NFIB: variants seen among roughly 807,000 people sequenced by gnomAD.
The protein encoded by NFIB is nuclear factor I B.
NFIB carries 11 observed loss-of-function variants against 61.5 expected under a neutral mutation model. That is an observed-to-expected ratio of 0.18 (90% CI 0.11 to 0.30). The LOEUF (loss-of-function observed/expected upper bound fraction) is 0.30, where lower values mean the gene tolerates loss of function less well. Among genes scored for constraint, NFIB ranks in the 10% least tolerant of loss-of-function variants. The probability of loss-of-function intolerance (pLI) is 1.00; values close to 1 mark genes in which losing one functional copy is unlikely to be tolerated. For synonymous variants in NFIB, 260 were observed against 216.5 expected (o/e 1.20, Z -1.76); for missense variants, 471 against 608.9 (o/e 0.77, Z 2.38).
At chr9:14,097,174 T>C (rs1339483884) in intron 10 of NFIB, among the ~76,000 whole-genome samples, 1 of 152,166 alleles carries the variant, frequency 6.6e-6, no homozygotes, top group Non-Finnish European at 1.5e-5. Flanking sequence ...AAAAAGAATA[T>C]TCATATACAA....
At chr9:14,184,950 G>A (rs999618744) in intron 2 of NFIB, among the ~76,000 whole-genome samples, 3 of 152,188 alleles carry the variant, frequency 2.0e-5, no homozygotes, top group Non-Finnish European at 2.9e-5. Flanking sequence ...TTGGACCTGG[G>A]AGGTGGAGGT....
intron 1 of NFIB, among the ~76,000 whole-genome samples, chr9:14,346,183 G>A (rs1248775588): frequency 6.6e-6 from 1 of 152,132 alleles, no homozygotes; most frequent in African/African-American, 2.4e-5. Flanking sequence ...GACTTGCGGT[G>A]GGCGCCGGAG....
In NFIB at chr9:14,313,471, G is replaced by T; in HGVS notation, c.30+11C>A. The T allele has an allele frequency of 6.2e-7, 1 of 1,613,676 alleles. No individual in the cohort carries two copies. The highest frequency in any genetic ancestry group is 8.5e-7 in the Non-Finnish European group (1 of 1,179,780). On this transcript the variant is annotated intron_variant, in intron 1 of 10. Coordinates refer to ENST00000380953, the MANE Select transcript of NFIB (RefSeq NM_001190737.2). This position sits in a 1 kb window ranked among gnomAD's most constrained non-coding sequence, Gnocchi z 4.5. ...AGAGAGAAAGCTCGAGAAAGCGACC[G>T]AGACATGTACCTGAGTGAGACAGAT...
chr9:14,272,695 A>C (rs1373843164), intron 2 of NFIB, among the ~76,000 whole-genome samples: 2 of 5,598 alleles, frequency 3.6e-4, no homozygotes, highest in Non-Finnish European at 9.2e-4. Flanking sequence ...ATTCTCGCAA[A>C]AAAAAAAAAA....
At chr9:14,117,017 C>A (rs1437945263) in intron 8 of NFIB, among the ~76,000 whole-genome samples, 2 of 152,162 alleles carry the variant, frequency 1.3e-5, no homozygotes, top group Non-Finnish European at 2.9e-5. Context: ...AGATGTAAAG[C>A]ATCTAAAATT....
chr9:14,473,723 T>C, the NFIB span, among the ~76,000 whole-genome samples: 58 of 152,378 alleles, frequency 3.8e-4, 2 homozygotes, highest in South Asian at 0.012. Context: ...TGAACTCCAA[T>C]AGTATTACAC....
chr9:14,231,135 A>AAAAATATATATATATATAT, intron 2 of NFIB, among the ~76,000 whole-genome samples: 1 of 35,352 alleles, frequency 2.8e-5, no homozygotes, highest in Non-Finnish European at 5.4e-5. Context: ...AAAAAAAAAA[A>AAAAATATATATATATATAT]ATATATATAT....
chr9:14,248,270 C>T (rs183687779), intron 2 of NFIB, among the ~76,000 whole-genome samples: 245 of 151,476 alleles, frequency 1.6e-3, no homozygotes, highest in African/African-American at 5.7e-3. Context: ...TCCTTCCTTC[C>T]CACCTAAACT....
At chr9:14,089,739 A>T (rs957418919) in intron 10 of NFIB, among the ~76,000 whole-genome samples, 5 of 152,130 alleles carry the variant, frequency 3.3e-5, no homozygotes, top group Admixed American at 2.0e-4. Context: ...ATCAATCTAG[A>T]TATGCTCATT....
chr9:14,182,467 T>A (rs1183589433), intron 2 of NFIB, among the ~76,000 whole-genome samples: 2 of 152,142 alleles, frequency 1.3e-5, no homozygotes, highest in African/African-American at 4.8e-5. Context: ...TTATGTCACC[T>A]TATATCGGTC....
intron 1 of NFIB, among the ~76,000 whole-genome samples, chr9:14,341,099 G>C (rs1186705066): frequency 6.6e-6 from 1 of 152,202 alleles, no homozygotes; most frequent in South Asian, 2.1e-4. Flanking sequence ...TCCTGGACAA[G>C]AGCCCAAGAA....
chr9:14,402,567 T>C (rs890408974), upstream of NFIB, among the ~76,000 whole-genome samples: 5 of 152,300 alleles, frequency 3.3e-5, no homozygotes, highest in Non-Finnish European at 7.4e-5. Flanking sequence ...TTTAAAAAAA[T>C]TAAGATTGTA....
chr9:14,422,795 C>T, the NFIB span, among the ~76,000 whole-genome samples: 1 of 152,112 alleles, frequency 6.6e-6, no homozygotes, highest in Non-Finnish European at 1.5e-5. Flanking sequence ...GTGTTCCCAG[C>T]CCTGCCAGCC....
At chr9:14,099,612 T>A (rs2035410127) in intron 10 of NFIB, among the ~76,000 whole-genome samples, 1 of 152,280 alleles carries the variant, frequency 6.6e-6, no homozygotes, top group African/African-American at 2.4e-5. Context: ...ATTTATTTAT[T>A]CTGAACTGCA....
upstream of NFIB, among the ~76,000 whole-genome samples, chr9:14,401,148 T>A (rs761040098): frequency 1.1e-4 from 16 of 152,202 alleles, no homozygotes; most frequent in Admixed American, 7.9e-4. Flanking sequence ...AAAAGGCTCA[T>A]TGGAGAATAA....
intron 2 of NFIB, among the ~76,000 whole-genome samples, chr9:14,186,665 T>C (rs1318589432): frequency 1.3e-5 from 2 of 152,090 alleles, no homozygotes; most frequent in South Asian, 2.1e-4. Flanking sequence ...CAAAGTTTTC[T>C]ACCTCACTCT....
At chr9:14,088,644 A>G (rs2033274215) in intron 10 of NFIB, among the ~76,000 whole-genome samples, 1 of 152,128 alleles carries the variant, frequency 6.6e-6, no homozygotes, top group Admixed American at 6.6e-5. Flanking sequence ...TATAAATGCA[A>G]TATCATTCTT....
At chr9:14,489,274 G>C in the NFIB span, among the ~76,000 whole-genome samples, 1 of 152,102 alleles carries the variant, frequency 6.6e-6, no homozygotes, top group Admixed American at 6.6e-5. Flanking sequence ...GATTGATGGT[G>C]GATTTAAGTT....
intron 1 of NFIB, among the ~76,000 whole-genome samples, chr9:14,373,335 T>A (rs974021550): frequency 4.6e-5 from 7 of 152,240 alleles, no homozygotes; most frequent in African/African-American, 1.7e-4. Flanking sequence ...TATATGCAGA[T>A]GGGAGTATAG....
Sources: allele counts gnomAD v4.1 joint callset (sites outside exome capture counted in the v4.1 genomes callset), GRCh38; gene constraint gnomAD v4.1.1; non-coding constraint Gnocchi (gnomAD v3.1); transcripts MANE v1.5; gene names NCBI Gene and HGNC (gene_info 2026-07-23, HGNC 2026-07-21).